The following SPIDR variants were observed in gnomAD, a reference collection of about 807,000 sequenced individuals.
SPIDR encodes the protein DNA repair-scaffolding protein.
SPIDR carries 93 observed loss-of-function variants against 104.6 expected under a neutral mutation model. That is an observed-to-expected ratio of 0.89 (90% CI 0.75 to 1.06). SPIDR has a LOEUF of 1.06. SPIDR is among the 50% of genes least tolerant of loss of function. The pLI, the probability that SPIDR is intolerant of heterozygous loss-of-function variation, is 0.00. For missense variants in SPIDR, 1,154 were observed against 1,111.2 expected (o/e 1.04, Z -0.55); for synonymous variants, 431 against 416.9 (o/e 1.03, Z -0.41).
At chr8:47,622,307 G>T (rs2065277539) in intron 10 of SPIDR, among the ~76,000 whole-genome samples, 1 of 152,172 alleles carries the variant, frequency 6.6e-6, no homozygotes, top group Admixed American at 6.5e-5. Context: ...AATAGGCCTG[G>T]GGAGAGGGCA....
intron 8 of SPIDR, among the ~76,000 whole-genome samples, chr8:47,522,321 A>T (rs1453196863): frequency 6.6e-6 from 1 of 152,206 alleles, no homozygotes; most frequent in East Asian, 1.9e-4. Flanking sequence ...CAGCATCCAC[A>T]ATAAATATGT....
At chr8:47,363,668 T>C (rs2056612905) in intron 5 of SPIDR, among the ~76,000 whole-genome samples, 1 of 152,048 alleles carries the variant, frequency 6.6e-6, no homozygotes, top group African/African-American at 2.4e-5. Context: ...GTTATTTATG[T>C]TATCGAAATG....
intron 11 of SPIDR, among the ~76,000 whole-genome samples, chr8:47,693,445 G>A (rs946678946): frequency 5.3e-5 from 8 of 152,166 alleles, no homozygotes; most frequent in Admixed American, 2.6e-4. Flanking sequence ...GACAGGTGCC[G>A]GCATTGCTGA....
At chr8:47,512,090 C>A in intron 8 of SPIDR, 1 of 557,598 alleles carries the variant, frequency 1.8e-6, no homozygotes, top group South Asian at 1.9e-5. Flanking sequence ...CGGTCCTGCT[C>A]AGTGCCCATC....
At chr8:47,262,335 A>G (rs560152504) in intron 1 of SPIDR, among the ~76,000 whole-genome samples, 4 of 151,694 alleles carry the variant, frequency 2.6e-5, no homozygotes, top group East Asian at 3.9e-4. Context: ...TTTTTACTCA[A>G]TTTTTTTTAG....
intron 10 of SPIDR, among the ~76,000 whole-genome samples, chr8:47,613,984 A>G (rs1311651089): frequency 2.0e-5 from 3 of 151,946 alleles, no homozygotes; most frequent in Non-Finnish European, 4.4e-5. Flanking sequence ...TAAGCCCCAC[A>G]TGCATTAGCT....
chr8:47,279,481 C>T (rs904091559), intron 1 of SPIDR: 1 of 165,798 alleles, frequency 6.0e-6, no homozygotes, highest in Non-Finnish European at 1.3e-5. Context: ...CTTCTCAGTT[C>T]TATCAGACAC....
chr8:47,454,682 T>A (rs2072609881), intron 8 of SPIDR, among the ~76,000 whole-genome samples: 2 of 152,092 alleles, frequency 1.3e-5, no homozygotes, highest in African/African-American at 4.8e-5. Context: ...CAAGATTGTA[T>A]ATCTGAAAAC....
At chr8:47,628,211 G>A (rs548455915) in intron 10 of SPIDR, among the ~76,000 whole-genome samples, 1 of 152,234 alleles carries the variant, frequency 6.6e-6, no homozygotes, top group East Asian at 1.9e-4. Context: ...GCTAAATTTT[G>A]GCTACTTGGG....
intron 8 of SPIDR, among the ~76,000 whole-genome samples, chr8:47,584,358 G>T (rs1294919538): frequency 6.6e-6 from 1 of 152,170 alleles, no homozygotes; most frequent in Admixed American, 6.5e-5. Context: ...TTAAATTAGA[G>T]AATTAAGTAT....
chr8:47,729,129 G>T, intron 18 of SPIDR, 82 bp downstream of exon 18: 1 of 1,564,690 alleles, frequency 6.4e-7, no homozygotes. Context: ...GCAGGTGCAC[G>T]TCCTCCTGTA....
At chr8:47,706,671 A>G (rs140331874) in intron 14 of SPIDR, among the ~76,000 whole-genome samples, 1 of 152,138 alleles carries the variant, frequency 6.6e-6, no homozygotes, top group African/African-American at 2.4e-5. Context: ...TGTCATTATA[A>G]TTATGTTGTC....
At chr8:47,460,725 T>A (rs952974374) in intron 8 of SPIDR, among the ~76,000 whole-genome samples, 8 of 152,200 alleles carry the variant, frequency 5.3e-5, no homozygotes, top group Non-Finnish European at 8.8e-5. Context: ...GTGGCTTTTT[T>A]AATTATTATA....
At chr8:47,640,654 T>C (rs2068716094) in intron 10 of SPIDR, among the ~76,000 whole-genome samples, 2 of 141,002 alleles carry the variant, frequency 1.4e-5, no homozygotes, top group South Asian at 4.7e-4. Context: ...CTACAACCAT[T>C]GAACTGTGAT....
chr8:47,335,661 G>A (rs1326591136), intron 5 of SPIDR, among the ~76,000 whole-genome samples: 1 of 152,192 alleles, frequency 6.6e-6, no homozygotes, highest in Non-Finnish European at 1.5e-5. Context: ...ATGGTGGCCA[G>A]GCTGGTCTTG....
chr8:47,553,259 G>A (rs1163855493), intron 8 of SPIDR, among the ~76,000 whole-genome samples: 1 of 152,102 alleles, frequency 6.6e-6, no homozygotes, highest in Non-Finnish European at 1.5e-5. Flanking sequence ...CTCTTCTCGA[G>A]GAGTGTCTTT....
At chr8:47,395,741 T>C (rs2061180093) in intron 5 of SPIDR, among the ~76,000 whole-genome samples, 1 of 152,200 alleles carries the variant, frequency 6.6e-6, no homozygotes, top group South Asian at 2.1e-4. Context: ...AAATTATTAT[T>C]TTGAAAGTTT....
At chr8:47,546,611 T>C (rs2089429573) in intron 8 of SPIDR, among the ~76,000 whole-genome samples, 1 of 152,184 alleles carries the variant, frequency 6.6e-6, no homozygotes, top group African/African-American at 2.4e-5. Context: ...TCTGCTCTAA[T>C]CTATTATTTC....
At chr8:47,525,948 A>T (rs2084918731) in intron 8 of SPIDR, among the ~76,000 whole-genome samples, 1 of 152,140 alleles carries the variant, frequency 6.6e-6, no homozygotes, top group Non-Finnish European at 1.5e-5. Flanking sequence ...AATGTGATGC[A>T]ATCTGCTCAG....
Sources: allele counts gnomAD v4.1 joint callset (sites outside exome capture counted in the v4.1 genomes callset), GRCh38; gene constraint gnomAD v4.1.1; transcripts MANE v1.5; gene names NCBI Gene and HGNC (gene_info 2026-07-23, HGNC 2026-07-21).